DLC1: variants seen among roughly 807,000 people sequenced by gnomAD.
The protein encoded by DLC1 is rho GTPase-activating protein 7.
In DLC1, 54 loss-of-function variants were observed where a neutral mutation model predicts 140.3. The observed-to-expected ratio is 0.38, with a 90% CI of 0.31 to 0.48. DLC1 has a LOEUF of 0.48. Among genes scored for constraint, DLC1 ranks in the 20% least tolerant of loss-of-function variants. The pLI, the probability that DLC1 is intolerant of heterozygous loss-of-function variation, is 0.96. For missense variants in DLC1, 2,536 were observed against 1,907.0 expected, an observed-to-expected ratio of 1.33 and a Z score of -6.14; for synonymous variants, 986 against 728.1, an observed-to-expected ratio of 1.35 and a Z score of -5.70.
chr8:13,222,187 C>T (rs941896028), intron 5 of DLC1, among the ~76,000 whole-genome samples: 1 of 151,700 alleles, frequency 6.6e-6, no homozygotes, highest in African/African-American at 2.4e-5. Flanking sequence ...AATGTAGGGC[C>T]ACTCCAAAAG....
chr8:13,308,874 G>A (rs1832560851), intron 4 of DLC1, among the ~76,000 whole-genome samples: 1 of 152,064 alleles, frequency 6.6e-6, no homozygotes, highest in Admixed American at 6.6e-5. Flanking sequence ...TTCTGAGAAG[G>A]GACCTGGATA....
At chr8:13,169,316 C>A (rs1825305832) in intron 5 of DLC1, among the ~76,000 whole-genome samples, 1 of 152,078 alleles carries the variant, frequency 6.6e-6, no homozygotes, top group Non-Finnish European at 1.5e-5. Context: ...GGATTTAAAT[C>A]CTGGCTTTCT....
At chr8:13,578,442 C>T (rs1476793365) in intron 1 of DLC1, among the ~76,000 whole-genome samples, 1 of 152,098 alleles carries the variant, frequency 6.6e-6, no homozygotes, top group Non-Finnish European at 1.5e-5. Flanking sequence ...AACTGGGTGT[C>T]CTAGAATTCA....
At chr8:13,248,000 C>T (rs1186470783) in intron 5 of DLC1, among the ~76,000 whole-genome samples, 2 of 152,140 alleles carry the variant, frequency 1.3e-5, no homozygotes, top group Admixed American at 6.5e-5. Flanking sequence ...AACCATGCAT[C>T]GGCTGTCTAC....
intron 1 of DLC1, among the ~76,000 whole-genome samples, chr8:13,570,293 TC>T (rs149010699): frequency 0.11 from 15,251 of 139,990 alleles, 849 homozygotes; most frequent in East Asian, 0.15. Context: ...CTAAATTCTC[TC>T]TTTTTTTTTT....
intron 10 of DLC1, among the ~76,000 whole-genome samples, chr8:13,096,438 A>G (rs1453568900): frequency 6.6e-6 from 1 of 152,192 alleles, no homozygotes; most frequent in African/African-American, 2.4e-5. Flanking sequence ...TAGCTCCAGG[A>G]AAGGTAAAAC....
intron 5 of DLC1, among the ~76,000 whole-genome samples, chr8:13,169,509 T>C (rs1563132323): frequency 6.6e-6 from 1 of 152,224 alleles, no homozygotes. Context: ...AGAACAGCTT[T>C]TTTTCCTAAT....
Position 13,328,943 on chromosome 8 carries a change from T to A in DLC1, c.1315-23641A>T, listed in dbSNP as rs1181382044. Among the ~76,000 whole-genome samples, 5 of 152,140 alleles carry A rather than the reference T, an allele frequency of 3.3e-5. No homozygotes were observed. The East Asian group carries it at 9.7e-4, about 29-fold the overall frequency. ...GCAATGTGGAAGTCACTGAAGAAAA[T>A]CAGCAAGCGTAGATATGGAAATGTG... On this transcript the variant is annotated intron_variant, in intron 4 of 17. Transcript: ENST00000276297.
At chr8:13,308,289 C>T (rs562535887) in intron 4 of DLC1, among the ~76,000 whole-genome samples, 3 of 152,198 alleles carry the variant, frequency 2.0e-5, no homozygotes, top group Non-Finnish European at 4.4e-5. Context: ...TTTAAGCTAC[C>T]AAAACTCACT....
intron 5 of DLC1, among the ~76,000 whole-genome samples, chr8:13,249,298 C>G (rs58685485): frequency 0.23 from 35,478 of 151,736 alleles, 4,318 homozygotes; most frequent in South Asian, 0.34. Context: ...GGCTGGTCTC[C>G]AACTCTTGAC....
At chr8:13,469,174 C>T (rs767786418) in intron 2 of DLC1, among the ~76,000 whole-genome samples, 6 of 152,164 alleles carry the variant, frequency 3.9e-5, no homozygotes, top group Non-Finnish European at 7.3e-5. Context: ...TTTCTTTCTT[C>T]ATTTTAATTG....
intron 5 of DLC1, among the ~76,000 whole-genome samples, chr8:13,121,436 C>T (rs1228671850): frequency 6.6e-6 from 1 of 152,166 alleles, no homozygotes; most frequent in African/African-American, 2.4e-5. Flanking sequence ...GGGTGGGTTC[C>T]AGAGGGCGTT....
intron 4 of DLC1, among the ~76,000 whole-genome samples, chr8:13,336,070 C>A (rs1833800765): frequency 6.6e-6 from 1 of 151,976 alleles, no homozygotes; most frequent in Non-Finnish European, 1.5e-5. Flanking sequence ...AAAAACTGGG[C>A]AGAAGGCATA....
chr8:13,354,564 C>G (rs889198235), intron 4 of DLC1, among the ~76,000 whole-genome samples: 10 of 152,058 alleles, frequency 6.6e-5, no homozygotes, highest in African/African-American at 2.4e-4. Context: ...AATGCATTCA[C>G]GCATCAAGCT....
At position 13,552,301 on chromosome 8, in the gene DLC1, TC is replaced by T. The variant is rs1162374889; in HGVS notation, c.-125-52106del. ...AGGTAGAACTTGGAAGTGAAATAAT[TC>T]TAAAGGAAGCATATTAGCATGTTTA... On this transcript the variant is annotated intron_variant, in intron 1 of 1. Transcript: ENST00000631382. Among the ~76,000 whole-genome samples, 12 of 149,558 alleles carry T rather than the reference TC, an allele frequency of 8.0e-5. No homozygotes were observed. The East Asian group carries it at 2.2e-3, about 27-fold the overall frequency.
At chr8:13,429,825 A>T (rs1838775252) in intron 2 of DLC1, among the ~76,000 whole-genome samples, 1 of 152,204 alleles carries the variant, frequency 6.6e-6, no homozygotes, top group South Asian at 2.1e-4. Context: ...TGTTTGGAAA[A>T]CATGCTGATA....
intron 1 of DLC1, among the ~76,000 whole-genome samples, chr8:13,586,422 T>C (rs1805313025): frequency 6.6e-6 from 1 of 152,160 alleles, no homozygotes; most frequent in Admixed American, 6.6e-5. Flanking sequence ...TCATACGTTC[T>C]CATTATGTAC....
chr8:13,425,032 C>A (rs1838494077), intron 2 of DLC1, among the ~76,000 whole-genome samples: 1 of 151,246 alleles, frequency 6.6e-6, no homozygotes, highest in African/African-American at 2.4e-5. Flanking sequence ...TTTTTTTTCA[C>A]ATGCCATGTG....
At chr8:13,128,433 C>G (rs1382126406) in intron 5 of DLC1, among the ~76,000 whole-genome samples, 1 of 152,162 alleles carries the variant, frequency 6.6e-6, no homozygotes, top group South Asian at 2.1e-4. Context: ...AACATTACAG[C>G]TGCCTACCTA....
Sources: allele counts gnomAD v4.1 joint callset (sites outside exome capture counted in the v4.1 genomes callset), GRCh38; gene constraint gnomAD v4.1.1; transcripts MANE v1.5; gene names NCBI Gene and HGNC (gene_info 2026-07-23, HGNC 2026-07-21).